Variants in CELSR1 observed in about 807,000 individuals in gnomAD.
The protein encoded by CELSR1 is cadherin EGF LAG seven-pass G-type receptor 1.
A neutral mutation model predicts 249.1 loss-of-function variants in CELSR1; 110 were observed. The observed-to-expected ratio is 0.44, with a 90% CI of 0.38 to 0.52. CELSR1 has a LOEUF of 0.52. Among genes scored for constraint, CELSR1 ranks in the 20% least tolerant of loss-of-function variants. CELSR1 has a pLI of 0.00. For missense variants in CELSR1, 4,109 were observed against 4,296.4 expected, an observed-to-expected ratio of 0.96 and a Z score of 1.22; for synonymous variants, 2,113 against 1,900.0, an observed-to-expected ratio of 1.11 and a Z score of -2.92.
chr22:46,373,093 C>CAT (rs1282178950), intron 24 of CELSR1, 36 bp from the exon 25 acceptor site: 1 of 1,538,730 alleles, frequency 6.5e-7, no homozygotes, highest in African/African-American at 1.4e-5. Context: ...AGGGCCCCTG[C>CAT]ATCCCAGGCT....
rs140206210 is a variant in CELSR1 at position 46,399,794 on chromosome 22, T to C, written c.5335A>G (p.Ile1779Val). 5.6e-6 allele frequency: 9 copies of C among 1,613,922 alleles called. No individual in the cohort carries two copies. The African/African-American group carries it at 9.3e-5, about 17-fold the overall frequency. ...TCCTCCTTAACATTCTTCAGCTCGA[T>C]CAGCAGGTGGTGCCACTCCCCGTCG... The part of the protein sequence containing the change: ...VTDGEWHHLL[I>V]ELKNVKEDSE... Residue 1779 changes from isoleucine to valine, a missense_variant, in exon 10 of 35, where the codon ATC becomes GTC. This residue lies in a region of CELSR1 where 1,805 missense variants were observed against 1,831.6 expected (regional missense o/e 0.99). Coordinates refer to ENST00000674500, the MANE Select transcript of CELSR1 (RefSeq NM_001378328.1). This position sits in a 1 kb window ranked among gnomAD's most constrained non-coding sequence, Gnocchi z 5.0.
At chr22:46,508,445 G>T (rs879861209) in intron 1 of CELSR1, among the ~76,000 whole-genome samples, 5 of 11,124 alleles carry the variant, frequency 4.5e-4, no homozygotes, top group Non-Finnish European at 1.1e-3. Flanking sequence ...CCCCACCCCC[G>T]CCCCTTGCTG....
rs2080520066 is a variant in CELSR1 at position 46,506,869 on chromosome 22, GC to G, written c.3544+26757del. ...CACCCGCACCACCAGGACACAGCCT[GC>G]ACACACAGGAAGTCCTTTTTTCCAA... On this transcript the variant is annotated intron_variant, in intron 1 of 34. Transcript: ENST00000674500. The surrounding 1 kb of genome is among the most constrained non-coding windows in gnomAD (Gnocchi z 4.1). Among the ~76,000 whole-genome samples, 1 of 152,188 alleles carries G rather than the reference GC, an allele frequency of 6.6e-6. No homozygotes were observed. Among genetic ancestry groups the G allele is most frequent in the African/African-American group, 2.4e-5 (1 of 41,448 alleles).
chr22:46,363,962 G>T lies in CELSR1; in HGVS notation c.9035+34C>A. On this transcript the variant is annotated intron_variant, in intron 34 of 34. Transcript: ENST00000674500. This position sits in a 1 kb window ranked among gnomAD's most constrained non-coding sequence, Gnocchi z 4.3. ...CCTGACTCAGGACAAGGGGGAAGTG[G>T]GTGATCCCCGCCCTGGAGGCCCAGG... The T allele has an allele frequency of 1.3e-6, 2 of 1,546,638 alleles. No homozygotes were observed. Among genetic ancestry groups the T allele is most frequent in the Non-Finnish European group, 1.7e-6 (2 of 1,147,820 alleles).
rs559443660 is a variant in CELSR1 at position 46,429,435 on chromosome 22, C to T, written c.4611+3958G>A. Among the ~76,000 whole-genome samples the T allele has an allele frequency of 1.1e-4, 16 of 152,310 alleles. No individual in the cohort carries two copies. The highest frequency in any genetic ancestry group is 3.6e-4 in the African/African-American group (15 of 41,554). On this transcript the variant is annotated intron_variant, in intron 5 of 34. Transcript: ENST00000674500. This position sits in a 1 kb window ranked among gnomAD's most constrained non-coding sequence, Gnocchi z 4.1. The stretch of plus-strand genomic sequence containing the variant: ...CCAAACCTCCCGGCGTGGCTGTGGG[C>T]GTGGGGGCTGTGTTGTTCATCTGTG...
At position 46,472,071 on chromosome 22, in the gene CELSR1, G is replaced by A. The variant is rs6008858; in HGVS notation, c.3545-7726C>T. ...TTCCTCCCAGGCCTGGAGCGGCTCC[G>A]CGGCACCTCAAAAGCGATCAAGTGC... is the stretch of plus-strand genomic sequence containing the variant. On this transcript the variant is annotated intron_variant, in intron 1 of 34. Transcript: ENST00000674500. This position sits in a 1 kb window ranked among gnomAD's most constrained non-coding sequence, Gnocchi z 7.0. 0.065 allele frequency among the ~76,000 whole-genome samples: 9,825 copies of A among 152,156 alleles called. 834 individuals are homozygous for A. Among genetic ancestry groups the A allele is most frequent in the African/African-American group, 0.2 (8,094 of 41,476 alleles).
chr22:46,390,630 A>C lies in CELSR1; in HGVS notation c.6251-144T>G. 1 of 633,528 alleles carries C rather than the reference A, an allele frequency of 1.6e-6. No homozygotes were observed. The highest frequency in any genetic ancestry group is 2.7e-6 in the Non-Finnish European group (1 of 371,862). 39.2% of individuals were successfully genotyped at this position (633,528 alleles called of 1,614,324 possible). A position where few individuals can be genotyped will look rare whatever the true frequency, so the allele number is the denominator to read the frequency against. On this transcript the variant is annotated intron_variant, in intron 16 of 34. Coordinates refer to ENST00000674500, the MANE Select transcript of CELSR1 (RefSeq NM_001378328.1). The surrounding 1 kb of genome is among the most constrained non-coding windows in gnomAD (Gnocchi z 6.3). ...CCATGGGGGCCAGGAGGTCGACACC[A>C]GCGCCCCTCTTTCATGTCAGGGCCA...
At position 46,536,686 on chromosome 22, in the gene CELSR1, G is replaced by A; in HGVS notation, c.485C>T (p.Pro162Leu). The A allele has an allele frequency of 2.6e-6, 3 of 1,170,934 alleles. No homozygotes were observed. The highest frequency in any genetic ancestry group is 3.2e-6 in the Non-Finnish European group (3 of 950,444). 72.5% of individuals were successfully genotyped at this position (1,170,934 alleles called of 1,614,324 possible). Residue 162 changes from proline (P) to leucine (L), a missense_variant, in exon 1 of 35, where the codon CCC becomes CTC. Pro to Leu is a moderately conservative substitution (Grantham distance 98, BLOSUM62 -3). Coordinates refer to ENST00000674500, the MANE Select transcript of CELSR1 (RefSeq NM_001378328.1). ...TLPACRCPPRPRPRCPGRPIC... is the reference protein window; with the variant it reads ...TLPACRCPPRLRPRCPGRPIC... ...GGGACGGCCGGGACAGCGGGGCCTG[G>A]GGCGCGGCGGGCAGCGGCAGGCGGG... is the stretch of plus-strand genomic sequence containing the variant.
At chr22:46,452,653 G>A (rs1411900808) in intron 2 of CELSR1, among the ~76,000 whole-genome samples, 3 of 152,254 alleles carry the variant, frequency 2.0e-5, no homozygotes, top group South Asian at 2.1e-4. Flanking sequence ...AAGCCAAGGC[G>A]TGGGCCAGGG....
At position 46,434,611 on chromosome 22, in the gene CELSR1, C is replaced by T. The variant is rs1252321898; in HGVS notation, c.4523-1130G>A. Reference sequence around the variant, plus strand: ...CCACCATCACACACATGTCATTCAACACGGGCCAGGGTTCTAGAGACGGAA... The same window carrying T: ...CCACCATCACACACATGTCATTCAATACGGGCCAGGGTTCTAGAGACGGAA... On this transcript the variant is annotated intron_variant, in intron 4 of 34. Transcript: ENST00000674500. This position sits in a 1 kb window ranked among gnomAD's most constrained non-coding sequence, Gnocchi z 4.9. Among the ~76,000 whole-genome samples the T allele has an allele frequency of 6.6e-6, 1 of 152,218 alleles. No individual in the cohort carries two copies. The highest frequency in any genetic ancestry group is 1.5e-5 in the Non-Finnish European group (1 of 68,040).
Position 46,409,052 on chromosome 22 carries a change from C to T in CELSR1, c.5170G>A (p.Glu1724Lys). The change falls in exon 9 of 35, where the codon GAG becomes AAG. Residue 1724 changes from glutamate to lysine, a missense_variant. Around this residue, in one of 7 missense-constraint regions of CELSR1, gnomAD observed 16 missense variants for 40.1 expected, o/e 0.40. Transcript: ENST00000674500. The surrounding 1 kb of genome is among the most constrained non-coding windows in gnomAD (Gnocchi z 9.8). Reference sequence around the variant, plus strand: ...GTGGCCTCCATCAGAACGCTGTCCTCCTTCCGGGTCCGGAACATGAGCCCC... The same window carrying T: ...GTGGCCTCCATCAGAACGCTGTCCTTCTTCCGGGTCCGGAACATGAGCCCC... ...YLGLMFRTRK[E>K]DSVLMEATSG... 6.2e-7 allele frequency: 1 copy of T among 1,613,394 alleles called. No individual in the cohort carries two copies.
intron 1 of CELSR1, among the ~76,000 whole-genome samples, chr22:46,499,815 C>T (rs566674017): frequency 1.3e-5 from 2 of 152,214 alleles, no homozygotes; most frequent in African/African-American, 2.4e-5. Context: ...GGCGCTGGCC[C>T]GGGATGGCCC....
rs902702396 is a variant in CELSR1, at chr22:46,464,169, C to T, written c.3721G>A (p.Asp1241Asn). ...TTCTGGACGTTGAAGACGAAGACGTCGTCCTTGGTGGTGGACAGCACGGCG... is the reference window on the plus strand; with the variant it reads ...TTCTGGACGTTGAAGACGAAGACGTTGTCCTTGGTGGTGGACAGCACGGCG... The part of the protein sequence containing the change: ...VAAVLSTTKD[D>N]VFVFNVQNDT... Residue 1241 changes from aspartate (D) to asparagine (N), a missense_variant, in exon 2 of 35, where the codon GAC becomes AAC. Transcript: ENST00000674500. This position sits in a 1 kb window ranked among gnomAD's most constrained non-coding sequence, Gnocchi z 8.5. 5.0e-6 allele frequency: 8 copies of T among 1,613,740 alleles called. No homozygotes were observed. The highest frequency in any genetic ancestry group is 2.7e-5 in the African/African-American group (2 of 75,050).
At chr22:46,389,569 G>T in intron 17 of CELSR1, 70 bp from the exon 18 acceptor site, 1 of 1,449,538 alleles carries the variant, frequency 6.9e-7, no homozygotes, top group Non-Finnish European at 9.6e-7. Context: ...CTGTTACTCA[G>T]CAACTCACTA....
intron 1 of CELSR1, among the ~76,000 whole-genome samples, chr22:46,482,600 A>G (rs941274772): frequency 6.6e-6 from 1 of 152,126 alleles, no homozygotes; most frequent in Non-Finnish European, 1.5e-5. Flanking sequence ...CTGTAAACTC[A>G]GCTACTCGAA....
At chr22:46,485,929 CTTTTTTTTTTTT>C (rs77749125) in intron 1 of CELSR1, among the ~76,000 whole-genome samples, 1 of 104,784 alleles carries the variant, frequency 9.5e-6, no homozygotes, top group Admixed American at 1.1e-4. Flanking sequence ...CTTTCAGGTA[CTTTTTTTTTTTT>C]TTTTTTTTTT....
At position 46,362,849 on chromosome 22, in the gene CELSR1, G is replaced by C. The variant is rs530161904; in HGVS notation, c.*374C>G. On this transcript the variant is annotated 3_prime_UTR_variant, in exon 35 of 35. Transcript: ENST00000674500. ...GGGGCTGGACCGCGGTCTTTGGTCT[G>C]TGCCCGGCGTTCCTGAACTCTGGCC... The C allele has an allele frequency of 2.6e-6, 1 of 390,284 alleles. No individual in the cohort carries two copies. The highest frequency in any genetic ancestry group is 2.0e-5 in the African/African-American group (1 of 49,714). 24.2% of individuals were successfully genotyped at this position (390,284 alleles called of 1,614,324 possible). A position where few individuals can be genotyped will look rare whatever the true frequency, so the allele number is the denominator to read the frequency against.
chr22:46,506,103 T>C lies in CELSR1; in HGVS notation c.3544+27524A>G, dbSNP rs1035561815. Among the ~76,000 whole-genome samples, 4 of 147,458 alleles carry C rather than the reference T, an allele frequency of 2.7e-5. No homozygotes were observed. Among genetic ancestry groups the C allele is most frequent in the Non-Finnish European group, 5.9e-5 (4 of 67,570 alleles). On this transcript the variant is annotated intron_variant, in intron 1 of 34. Transcript: ENST00000674500. The surrounding 1 kb of genome is among the most constrained non-coding windows in gnomAD (Gnocchi z 4.1). ...CTGAGGCAGGAGAATCACTTGAACC[T>C]GGGAGGACGAGGTTGCAGTGAGCTG...
Position 46,369,082 on chromosome 22 carries a change from C to T in CELSR1, c.7952+97G>A, listed in dbSNP as rs778470560. The T allele has an allele frequency of 4.4e-6, 5 of 1,148,126 alleles. No individual in the cohort carries two copies. In the African/African-American group the frequency reaches 7.6e-5, roughly 18 times the overall value. 71.1% of individuals were successfully genotyped at this position (1,148,126 alleles called of 1,614,324 possible). On this transcript the variant is annotated intron_variant, in intron 27 of 34. Coordinates refer to ENST00000674500, the MANE Select transcript of CELSR1 (RefSeq NM_001378328.1). ...TGCCCCCAGCCCTCCTCCATGAGGC[C>T]TACACGCTCTCATGGGGCCCCACCC...
Sources: allele counts gnomAD v4.1 joint callset (sites outside exome capture counted in the v4.1 genomes callset), GRCh38; gene constraint gnomAD v4.1.1; regional missense constraint gnomAD v4.1.1; non-coding constraint Gnocchi (gnomAD v3.1); transcripts MANE v1.5; gene names NCBI Gene and HGNC (gene_info 2026-07-23, HGNC 2026-07-21).